The following ERBB4 variants were observed in gnomAD, a reference collection of about 807,000 sequenced individuals.
ERBB4 encodes erb-b2 receptor tyrosine kinase 4, also known as receptor tyrosine-protein kinase erbB-4.
In ERBB4, 42 loss-of-function variants were observed where a neutral mutation model predicts 158.0. That is an observed-to-expected ratio of 0.27 (90% CI 0.21 to 0.34). The LOEUF (loss-of-function observed/expected upper bound fraction) is 0.34. Ranked by LOEUF, ERBB4 falls within the 10% of genes least tolerant of loss-of-function variation. The pLI, the probability that ERBB4 is intolerant of heterozygous loss-of-function variation, is 1.00. For missense variants in ERBB4, 1,333 were observed against 1,624.1 expected, an observed-to-expected ratio of 0.82 and a Z score of 3.08; for synonymous variants, 583 against 558.7, an observed-to-expected ratio of 1.04 and a Z score of -0.61.
At chr2:212,310,483 G>A (rs139505095) in intron 1 of ERBB4, among the ~76,000 whole-genome samples, 1 of 150,464 alleles carries the variant, frequency 6.6e-6, no homozygotes, top group Non-Finnish European at 1.5e-5. Flanking sequence ...ACTCCTTACA[G>A]CTTATTATAC....
intron 20 of ERBB4, among the ~76,000 whole-genome samples, chr2:211,512,923 A>G (rs2125618051): frequency 6.6e-6 from 1 of 152,292 alleles, no homozygotes; most frequent in Admixed American, 6.5e-5. Flanking sequence ...GATGTCGGGT[A>G]GAAATTAATC....
intron 1 of ERBB4, among the ~76,000 whole-genome samples, chr2:212,498,116 ATG>A (rs746391733): frequency 0.031 from 4,443 of 144,106 alleles, 195 homozygotes; most frequent in African/African-American, 0.11. Flanking sequence ...GTGCATATCT[ATG>A]TGTGTGTGTG....
At chr2:212,505,392 C>T (rs574610326) in intron 1 of ERBB4, among the ~76,000 whole-genome samples, 3 of 152,216 alleles carry the variant, frequency 2.0e-5, no homozygotes, top group South Asian at 4.1e-4. Flanking sequence ...CCATCACACC[C>T]GGCCTGTTTC....
rs192587070 is a variant in ERBB4, at chr2:211,388,929, C to T, written c.3136-937G>A. On this transcript the variant is annotated intron_variant, in intron 25 of 27. Transcript: ENST00000342788. The stretch of plus-strand genomic sequence containing the variant: ...CTAGGCACAGGGATAATGCAAAACA[C>T]AGACCCAAATCGCTTGATTTTATGA... Among the ~76,000 whole-genome samples, 1,034 of 152,326 alleles carry T rather than the reference C, an allele frequency of 6.8e-3. 14 individuals carry two copies. Among genetic ancestry groups the T allele is most frequent in the South Asian group, 0.021 (99 of 4,826 alleles).
chr2:212,381,482 T>C (rs2090502811), intron 1 of ERBB4, among the ~76,000 whole-genome samples: 1 of 151,366 alleles, frequency 6.6e-6, no homozygotes. Flanking sequence ...ATATGTGTAG[T>C]GAGACATTAC....
chr2:212,064,985 T>C (rs1336323261), intron 2 of ERBB4, among the ~76,000 whole-genome samples: 1 of 132,126 alleles, frequency 7.6e-6, no homozygotes, highest in Non-Finnish European at 1.6e-5. Context: ...ACAACATCTT[T>C]ATGGTGTGTG....
At chr2:211,984,536 T>C (rs1001759586) in intron 2 of ERBB4, among the ~76,000 whole-genome samples, 1 of 152,148 alleles carries the variant, frequency 6.6e-6, no homozygotes, top group Admixed American at 6.5e-5. Flanking sequence ...CATGTGCCCG[T>C]GTCTTTAATT....
At chr2:212,213,450 T>A (rs1226147131) in intron 1 of ERBB4, among the ~76,000 whole-genome samples, 1 of 151,952 alleles carries the variant, frequency 6.6e-6, no homozygotes, top group African/African-American at 2.4e-5. Flanking sequence ...GTCTTAATTT[T>A]ATGCTTGTAA....
intron 3 of ERBB4, among the ~76,000 whole-genome samples, chr2:211,829,649 A>G (rs1575209339): frequency 6.6e-6 from 1 of 152,276 alleles, no homozygotes; most frequent in African/African-American, 2.4e-5. Flanking sequence ...TTCATGTAAC[A>G]TATATTGCAT....
intron 15 of ERBB4, among the ~76,000 whole-genome samples, chr2:211,658,981 G>C (rs1436353963): frequency 6.6e-6 from 1 of 152,012 alleles, no homozygotes; most frequent in Non-Finnish European, 1.5e-5. Flanking sequence ...TTATAGAAGT[G>C]CCTTATTTCG....
chr2:211,673,223 C>T lies in ERBB4; in HGVS notation c.1657G>A (p.Val553Met). Residue 553 changes from valine to methionine, a missense_variant, in exon 14 of 28, where the codon GTG becomes ATG. By Grantham distance (21) the Val-to-Met change is conservative. This residue lies in a region of ERBB4 where 245 missense variants were observed against 247.5 expected (regional missense o/e 0.99). Transcript: ENST00000342788. Reference sequence around the variant, plus strand: ...TTCTCACACTGGGGGTCACACTCCACACAGATGGAGCCATTCTCAAACTCC... The same window carrying T: ...TTCTCACACTGGGGGTCACACTCCATACAGATGGAGCCATTCTCAAACTCC... ...FREFENGSICVECDPQCEKME... is the reference protein window; with the variant it reads ...FREFENGSICMECDPQCEKME... The T allele has an allele frequency of 6.2e-7, 1 of 1,613,802 alleles. No homozygotes were observed. Among genetic ancestry groups the T allele is most frequent in the Non-Finnish European group, 8.5e-7 (1 of 1,179,798 alleles).
chr2:211,383,747 T>C lies in ERBB4; in HGVS notation c.3795A>G (p.Lys1265=). 1.2e-6 allele frequency: 2 copies of C among 1,614,082 alleles called. No individual in the cohort carries two copies. The highest frequency in any genetic ancestry group is 2.2e-5 in the South Asian group (2 of 91,076). ...TCCGCCCATTCTGTTTATAAAAATA[T>C]TTTGTGCTGTACTCCTGCAGGTAGT... ...HPDYLQEYST[K]YFYKQNGRIR... The change falls in exon 28 of 28, where the codon AAA becomes AAG. Residue 1265 remains lysine (K), a synonymous_variant. Transcript: ENST00000342788.
At chr2:212,518,511 G>A (rs1575070647) in intron 1 of ERBB4, among the ~76,000 whole-genome samples, 1 of 151,874 alleles carries the variant, frequency 6.6e-6, no homozygotes, top group Non-Finnish European at 1.5e-5. Context: ...AAACTATATA[G>A]CATAGCAAAA....
intron 1 of ERBB4, among the ~76,000 whole-genome samples, chr2:212,498,096 TTGTG>T (rs1015607083): frequency 8.6e-5 from 13 of 151,090 alleles, no homozygotes; most frequent in Non-Finnish European, 1.8e-4. Context: ...AGCCTTTCTA[TTGTG>T]TGTGTGTGCA....
chr2:212,273,305 A>C (rs2085409527), intron 1 of ERBB4, among the ~76,000 whole-genome samples: 1 of 151,824 alleles, frequency 6.6e-6, no homozygotes, highest in South Asian at 2.1e-4. Flanking sequence ...ATAATTTCAC[A>C]GTTAGCCCAA....
At chr2:211,489,770 T>TATTCATTCATTC (rs60793660) in intron 20 of ERBB4, among the ~76,000 whole-genome samples, 8 of 151,316 alleles carry the variant, frequency 5.3e-5, no homozygotes, top group African/African-American at 1.9e-4. Flanking sequence ...AGTACTAATG[T>TATTCATTCATTC]ATTCATTCAT....
At chr2:211,402,823 G>A (rs981146282) in intron 25 of ERBB4, among the ~76,000 whole-genome samples, 1 of 151,920 alleles carries the variant, frequency 6.6e-6, no homozygotes, top group East Asian at 1.9e-4. Flanking sequence ...CATCCATCTT[G>A]ATGTTCTAAA....
intron 1 of ERBB4, among the ~76,000 whole-genome samples, chr2:212,466,193 T>C (rs1043549128): frequency 1.3e-5 from 2 of 152,216 alleles, no homozygotes; most frequent in Non-Finnish European, 2.9e-5. Context: ...TCCATCTTCA[T>C]TAAACATAAA....
At chr2:211,944,099 ATGGT>A (rs2080585601) in intron 3 of ERBB4, among the ~76,000 whole-genome samples, 1 of 127,444 alleles carries the variant, frequency 7.8e-6, no homozygotes, top group South Asian at 2.3e-4. Context: ...ATATATATAC[ATGGT>A]TACACTATAT....
Sources: gnomAD v4.1 joint callset for allele counts (sites outside exome capture counted in the v4.1 genomes callset) on GRCh38, gnomAD v4.1.1 for gene constraint, gnomAD v4.1.1 regional missense constraint, MANE v1.5 for transcripts, NCBI Gene and HGNC (gene_info 2026-07-23, HGNC 2026-07-21) for gene names.